Variants in PFKM observed in about 807,000 individuals in gnomAD.
The protein encoded by PFKM is phosphofructokinase, muscle, also known as ATP-dependent 6-phosphofructokinase, muscle type.
In PFKM, 58 loss-of-function variants were observed where a neutral mutation model predicts 95.5. That is an observed-to-expected ratio of 0.61 (90% CI 0.49 to 0.76). The LOEUF is 0.76. PFKM is among the 30% of genes least tolerant of loss of function. The pLI, the probability that PFKM is intolerant of heterozygous loss-of-function variation, is 0.00. For synonymous variants in PFKM, 336 were observed against 357.2 expected, an observed-to-expected ratio of 0.94 and a Z score of 0.67; for missense variants, 678 against 1,005.4, an observed-to-expected ratio of 0.67 and a Z score of 4.40.
chr12:48,141,370 TGGGACTAAAA>T lies in PFKM; in HGVS notation c.1404_1412+1del. ...GGACTGGCCAAGGTGGCTCTAAACT[TGGGACTAAAA>T]GGTAAGTAGCACTGCAGAGGCACCT... On this transcript the variant is annotated frameshift_variant and splice_region_variant, in exon 15 of 23. Transcript: ENST00000359794. LOFTEE classifies it high-confidence loss of function. 6.2e-7 allele frequency: 1 copy of T among 1,614,050 alleles called. No homozygotes were observed. The highest frequency in any genetic ancestry group is 8.5e-7 in the Non-Finnish European group (1 of 1,179,948).
chr12:48,127,689 T>A (rs1034130135), intron 2 of PFKM, among the ~76,000 whole-genome samples: 2 of 152,226 alleles, frequency 1.3e-5, no homozygotes, highest in Admixed American at 1.3e-4. Flanking sequence ...AAGCTGTCTT[T>A]CACACTGCTG....
chr12:48,134,330 CT>C (rs1949847769), intron 7 of PFKM, 54 bp downstream of exon 7: 1 of 1,482,814 alleles, frequency 6.7e-7, no homozygotes, highest in African/African-American at 1.4e-5. Context: ...TAGCCCTTTC[CT>C]TTTCCCCAGA....
chr12:48,118,178 G>A (rs866546372), upstream of PFKM, among the ~76,000 whole-genome samples: 7 of 152,142 alleles, frequency 4.6e-5, no homozygotes, highest in Admixed American at 1.3e-4. Flanking sequence ...TTCCATCAAC[G>A]TCTGAACTAG....
At position 48,133,498 on chromosome 12, in the gene PFKM, G is replaced by A. The variant is rs201488762; in HGVS notation, c.593+18G>A. The A allele has an allele frequency of 1.2e-6, 2 of 1,611,352 alleles. No homozygotes were observed. The highest frequency in any genetic ancestry group is 2.2e-5 in the East Asian group (1 of 44,876). On this transcript the variant is annotated intron_variant, in intron 6 of 22. Coordinates refer to ENST00000359794, the MANE Select transcript of PFKM (RefSeq NM_000289.6). ...GCCCAGAGGTAAGGGGACTTGGGAG[G>A]TAGGCAGTGTAAGAAGATGGCAGCT...
At chr12:48,106,935 T>C (rs1946698412) in intron 1 of PFKM, among the ~76,000 whole-genome samples, 2 of 152,206 alleles carry the variant, frequency 1.3e-5, no homozygotes, top group Non-Finnish European at 2.9e-5. Context: ...TAACCTGGAA[T>C]CTGCCATACT....
At chr12:48,124,933 A>ATGTTT (rs1179199141) in intron 2 of PFKM, among the ~76,000 whole-genome samples, 1 of 152,160 alleles carries the variant, frequency 6.6e-6, no homozygotes, top group Non-Finnish European at 1.5e-5. Flanking sequence ...AAACATAGAA[A>ATGTTT]TGTTTTGTTT....
chr12:48,113,628 A>G (rs1947403670), intron 3 of PFKM, among the ~76,000 whole-genome samples: 1 of 152,198 alleles, frequency 6.6e-6, no homozygotes, highest in African/African-American at 2.4e-5. Context: ...CTGGAGGAAC[A>G]CCTGGCCGCT....
chr12:48,133,250 A>G (rs983890571), intron 5 of PFKM, 65 bp from the exon 6 acceptor site: 24 of 1,429,742 alleles, frequency 1.7e-5, no homozygotes, highest in African/African-American at 2.8e-5. Context: ...CTCTCTCTAG[A>G]TATCTCCTCT....
chr12:48,131,149 C>T (rs757829143), intron 3 of PFKM, among the ~76,000 whole-genome samples, 167 bp from the exon 4 acceptor site: 5 of 152,166 alleles, frequency 3.3e-5, no homozygotes, highest in Non-Finnish European at 5.9e-5. Flanking sequence ...AAGTTGATGC[C>T]TCCTTCTTTG....
In PFKM at chr12:48,122,514, G is replaced by A. The variant is rs888189937; in HGVS notation, c.-8-253G>A. The A allele has an allele frequency of 7.6e-6, 9 of 1,176,788 alleles. No homozygotes were observed. The East Asian group carries it at 1.4e-4, about 18-fold the overall frequency. The allele number at this position is 1,176,788 out of a possible 1,614,324, so 72.9% of individuals were successfully genotyped here. Reference sequence around the variant, plus strand: ...TTTATTCCCCAAATAGGTTCCAATTGGGGTGGGAGGGATCAGGGAGGAATT... The same window carrying A: ...TTTATTCCCCAAATAGGTTCCAATTAGGGTGGGAGGGATCAGGGAGGAATT... On this transcript the variant is annotated intron_variant, in intron 1 of 22. Transcript: ENST00000359794.
chr12:48,141,662 T>C, intron 15 of PFKM, 78 bp from the exon 16 acceptor site: 1 of 1,112,666 alleles, frequency 9.0e-7, no homozygotes, highest in South Asian at 1.2e-5. Context: ...TAACTCTAGC[T>C]TTTCTCCCCC....
At chr12:48,142,369 A>C (rs1405430847) in intron 17 of PFKM, 3 of 442,738 alleles carry the variant, frequency 6.8e-6, no homozygotes, top group South Asian at 4.2e-5. Flanking sequence ...GCTACTTGGG[A>C]GGCTGAGGCA....
intron 3 of PFKM, among the ~76,000 whole-genome samples, chr12:48,113,754 C>T (rs1435179670): frequency 6.6e-6 from 1 of 152,150 alleles, no homozygotes; most frequent in Non-Finnish European, 1.5e-5. Flanking sequence ...TTATTGTACA[C>T]CTTGAAGGCA....
At position 48,143,941 on chromosome 12, in the gene PFKM, C is replaced by G. The variant is rs948638191; in HGVS notation, c.1881-105C>G. On this transcript the variant is annotated intron_variant, in intron 19 of 22. Transcript: ENST00000359794. ...ATAAAGGGAGGGGGCCAGCCTATCC[C>G]TTGAATCCTTGGAGGAGATAAAAAT... 33 of 1,111,738 alleles carry G rather than the reference C, an allele frequency of 3.0e-5. No homozygotes were observed. In the Admixed American group the frequency reaches 3.4e-4, roughly 11 times the overall value. 68.9% of individuals were successfully genotyped at this position (1,111,738 alleles called of 1,614,324 possible).
Position 48,134,262 on chromosome 12 carries a change from G to T in PFKM, c.624G>T (p.Met208Ile), listed in dbSNP as rs1949834772. 6.2e-7 allele frequency: 1 copy of T among 1,613,688 alleles called. No individual in the cohort carries two copies. Among genetic ancestry groups the T allele is most frequent in the Non-Finnish European group, 8.5e-7 (1 of 1,179,680 alleles). The change falls in exon 7 of 23, where the codon ATG becomes ATT. Residue 208 changes from methionine to isoleucine, a missense_variant. By Grantham distance (10) the Met-to-Ile change is conservative (BLOSUM62 1). Transcript: ENST00000359794. The stretch of plus-strand genomic sequence containing the variant: ...AGAGGACATTTGTGTTAGAAGTAAT[G>T]GGCCGCCACTGTGGGTAAGATCCTC... The part of the protein sequence containing the change: ...SHQRTFVLEV[M>I]GRHCGYLALV...
chr12:48,124,071 T>C (rs1565865266), intron 2 of PFKM, among the ~76,000 whole-genome samples: 2 of 152,226 alleles, frequency 1.3e-5, no homozygotes, highest in African/African-American at 4.8e-5. Flanking sequence ...TCACCAGTGA[T>C]ACATCAGTGA....
upstream of PFKM, among the ~76,000 whole-genome samples, chr12:48,115,984 T>G (rs186596505): frequency 1.3e-5 from 2 of 152,302 alleles, no homozygotes; most frequent in East Asian, 3.9e-4. Context: ...ATATGATGAC[T>G]CTATGTTTAA....
rs1160914326 is a variant in PFKM, at chr12:48,145,698, C to T, written c.2333C>T (p.Ala778Val). ...EHITRKRSGE[A>V]AV is the part of the protein sequence containing the mutation. ...ATCACCCGGAAGCGGTCCGGGGAAG[C>T]TGCCGTCTAAACCTCTCTGGAGTGA... Residue 778 changes from alanine (A) to valine (V), a missense_variant, in exon 23 of 23, where the codon GCT becomes GTT. Ala to Val is a moderately conservative substitution (Grantham distance 64). Coordinates refer to ENST00000359794, the MANE Select transcript of PFKM (RefSeq NM_000289.6). The surrounding 1 kb of genome is among the most constrained non-coding windows in gnomAD (Gnocchi z 4.3). 3 of 1,614,038 alleles carry T rather than the reference C, an allele frequency of 1.9e-6. No individual in the cohort carries two copies. Among genetic ancestry groups the T allele is most frequent in the Non-Finnish European group, 1.7e-6 (2 of 1,179,984 alleles).
intron 4 of PFKM, 57 bp from the exon 5 acceptor site, chr12:48,132,811 G>T: frequency 7.1e-7 from 1 of 1,417,748 alleles, no homozygotes; most frequent in Non-Finnish European, 9.8e-7. Context: ...TGGAATAGGG[G>T]ATATCTCAGC....
Sources: allele counts gnomAD v4.1 joint callset (sites outside exome capture counted in the v4.1 genomes callset), GRCh38; gene constraint gnomAD v4.1.1; non-coding constraint Gnocchi (gnomAD v3.1); transcripts MANE v1.5; gene names NCBI Gene and HGNC (gene_info 2026-07-23, HGNC 2026-07-21).